Variants in DOCK9 observed in about 807,000 individuals in gnomAD.
DOCK9 encodes the protein dedicator of cytokinesis 9, also known as dedicator of cytokinesis protein 9.
Under a neutral mutation model 263.3 loss-of-function variants are expected in DOCK9, and 89 were observed. The observed-to-expected ratio is 0.34, with a 90% CI of 0.28 to 0.40. The LOEUF is 0.40. Ranked by LOEUF, DOCK9 falls within the 10% of genes least tolerant of loss-of-function variation. The probability of loss-of-function intolerance (pLI) is 1.00; values close to 1 mark genes in which losing one functional copy is unlikely to be tolerated. For missense variants in DOCK9, 2,140 were observed against 2,603.4 expected (o/e 0.82, Z 3.87); for synonymous variants, 976 against 973.1 (o/e 1.00, Z -0.06).
intron 1 of DOCK9, among the ~76,000 whole-genome samples, chr13:98,987,944 AT>A (rs35676623): frequency 1.4e-5 from 2 of 143,732 alleles, no homozygotes; most frequent in Admixed American, 1.4e-4. Context: ...AGCATATAAA[AT>A]TTTTTTTAAA....
At chr13:99,061,091 T>C (rs1480406966) in intron 1 of DOCK9, among the ~76,000 whole-genome samples, 1 of 152,256 alleles carries the variant, frequency 6.6e-6, no homozygotes, top group Non-Finnish European at 1.5e-5. Flanking sequence ...TTTAAGGATC[T>C]CTCATCTTTA....
At chr13:98,864,230 T>A (rs2093956188) in intron 30 of DOCK9, among the ~76,000 whole-genome samples, 1 of 152,208 alleles carries the variant, frequency 6.6e-6, no homozygotes, top group Admixed American at 6.5e-5. Context: ...GGACAAAGCA[T>A]CAAACCAAAC....
At chr13:99,031,750 T>C (rs576464210) in intron 1 of DOCK9, among the ~76,000 whole-genome samples, 1 of 152,336 alleles carries the variant, frequency 6.6e-6, no homozygotes, top group South Asian at 2.1e-4. Context: ...ATAGCCAATG[T>C]AAAGCTTTTG....
At chr13:98,957,892 A>G (rs9513519) in intron 1 of DOCK9, among the ~76,000 whole-genome samples, 64,601 of 152,048 alleles carry the variant, frequency 0.42, 14,093 homozygotes, top group East Asian at 0.56. Context: ...CCATAACCAC[A>G]GGCCAGGGAG....
intron 9 of DOCK9, among the ~76,000 whole-genome samples, chr13:98,909,062 C>T (rs918681111): frequency 6.6e-6 from 1 of 152,196 alleles, no homozygotes; most frequent in African/African-American, 2.4e-5. Context: ...TCCCCAGACA[C>T]CCTGTTGCCA....
intron 1 of DOCK9, among the ~76,000 whole-genome samples, chr13:99,038,130 T>G (rs183994873): frequency 2.9e-4 from 44 of 152,208 alleles, no homozygotes; most frequent in African/African-American, 1.0e-3. Flanking sequence ...AGGGGAAAAT[T>G]GTCTTTAAGG....
At chr13:98,898,122 T>G (rs2047709032) in intron 14 of DOCK9, 57 bp downstream of exon 14, 1 of 1,225,912 alleles carries the variant, frequency 8.2e-7, no homozygotes, top group East Asian at 2.4e-5. Context: ...ATAGGCCTAT[T>G]GACCCATCCA....
At chr13:99,051,855 C>CCAAAAA in intron 1 of DOCK9, among the ~76,000 whole-genome samples, 1 of 106,056 alleles carries the variant, frequency 9.4e-6, no homozygotes, top group Non-Finnish European at 1.9e-5. Context: ...CCACTAGTGG[C>CCAAAAA]AAAAAAAAAA....
At chr13:98,891,963 G>A (rs1447416912) in intron 15 of DOCK9, among the ~76,000 whole-genome samples, 1 of 152,072 alleles carries the variant, frequency 6.6e-6, no homozygotes, top group Admixed American at 6.5e-5. Context: ...CTTCCAAAGT[G>A]GTGGTTGTGT....
chr13:99,063,055 G>T (rs573953711), intron 1 of DOCK9, among the ~76,000 whole-genome samples: 2 of 152,320 alleles, frequency 1.3e-5, no homozygotes, highest in East Asian at 3.9e-4. Flanking sequence ...GAAGGTTCAC[G>T]ACTCAGAATA....
chr13:98,925,296 C>CT (rs1389996019), intron 4 of DOCK9, among the ~76,000 whole-genome samples: 1 of 152,054 alleles, frequency 6.6e-6, no homozygotes, highest in African/African-American at 2.4e-5. Flanking sequence ...ACCTAGCTAC[C>CT]GCGATTCACT....
chr13:99,087,242 G>A (rs1411886876), upstream of DOCK9, among the ~76,000 whole-genome samples: 1 of 152,162 alleles, frequency 6.6e-6, no homozygotes, highest in African/African-American at 2.4e-5. Context: ...GAGGCACGGA[G>A]CTCGCGGCGG....
intron 49 of DOCK9, 101 bp from the exon 50 acceptor site, chr13:98,800,579 C>A: frequency 7.4e-7 from 1 of 1,356,528 alleles, no homozygotes; most frequent in Non-Finnish European, 9.8e-7. Flanking sequence ...GTCATTATTA[C>A]TTACATTTTT....
At chr13:98,838,141 C>T (rs550326626) in intron 38 of DOCK9, among the ~76,000 whole-genome samples, 9 of 152,286 alleles carry the variant, frequency 5.9e-5, no homozygotes, top group South Asian at 2.1e-4. Context: ...AGCAGCACAA[C>T]GCAGGTTAAG....
intron 47 of DOCK9, chr13:98,808,522 C>A: frequency 2.7e-6 from 2 of 734,784 alleles, no homozygotes; most frequent in Admixed American, 2.7e-5. Context: ...AAATGGTGCA[C>A]AAAACAGTAA....
chr13:99,032,625 T>C (rs1460633533), intron 1 of DOCK9, among the ~76,000 whole-genome samples: 1 of 151,276 alleles, frequency 6.6e-6, no homozygotes, highest in Non-Finnish European at 1.5e-5. Flanking sequence ...TTATATGACA[T>C]AAATTTATTA....
intron 1 of DOCK9, among the ~76,000 whole-genome samples, chr13:99,051,922 AC>A (rs1354166221): frequency 3.3e-5 from 5 of 151,020 alleles, no homozygotes; most frequent in Non-Finnish European, 5.9e-5. Flanking sequence ...AAATTTGTTC[AC>A]AAAAACACCA....
At chr13:99,054,600 T>C (rs1057072675) in intron 1 of DOCK9, among the ~76,000 whole-genome samples, 7 of 152,242 alleles carry the variant, frequency 4.6e-5, no homozygotes, top group Non-Finnish European at 8.8e-5. Context: ...AGGGAAGGCA[T>C]AAGCCCAGAA....
chr13:98,980,336 C>G (rs1236090973), upstream of DOCK9, among the ~76,000 whole-genome samples: 1 of 152,250 alleles, frequency 6.6e-6, no homozygotes, highest in Non-Finnish European at 1.5e-5. Flanking sequence ...ATCTTCATAA[C>G]TCTATGTAAT....
Sources: allele counts gnomAD v4.1 joint callset (sites outside exome capture counted in the v4.1 genomes callset), GRCh38; gene constraint gnomAD v4.1.1; transcripts MANE v1.5; gene names NCBI Gene and HGNC (gene_info 2026-07-23, HGNC 2026-07-21).